NALCN: variants seen among roughly 807,000 people sequenced by gnomAD.
NALCN encodes the protein sodium leak channel, non-selective.
In NALCN, 111 loss-of-function variants were observed where a neutral mutation model predicts 225.3. That is an observed-to-expected ratio of 0.49 (90% confidence interval 0.42 to 0.58). The LOEUF (loss-of-function observed/expected upper bound fraction) is 0.58, where lower values mean the gene tolerates loss of function less well. Ranked by LOEUF, NALCN falls within the 20% of genes least tolerant of loss-of-function variation. The pLI is 0.00. For synonymous variants in NALCN, 764 were observed against 769.0 expected, an observed-to-expected ratio of 0.99 and a Z score of 0.11; for missense variants, 1,378 against 2,202.4, an observed-to-expected ratio of 0.63 and a Z score of 7.49.
chr13:101,089,854 C>T lies in NALCN; in HGVS notation c.3382G>A (p.Val1128Met). 6 of 1,614,098 alleles carry T rather than the reference C, an allele frequency of 3.7e-6. No homozygotes were observed. Among genetic ancestry groups the T allele is most frequent in the Non-Finnish European group, 5.1e-6 (6 of 1,179,936 alleles). ...VEVRDVIIHR[V>M]GPIHGIYIHV... ...TCGATGTGCTCGCTTACCGGCCCCA[C>T]ACGATGAATAATAACATCTCTCACT... Residue 1128 changes from valine to methionine, a missense_variant, in exon 29 of 44, where the codon GTG (valine) becomes ATG (methionine). This residue lies in a region of NALCN where 292 missense variants were observed against 409.5 expected (regional missense o/e 0.71). Transcript: ENST00000251127. The surrounding 1 kb of genome is among the most constrained non-coding windows in gnomAD (Gnocchi z 4.7).
At chr13:101,367,708 A>G (rs1204347368) in intron 6 of NALCN, among the ~76,000 whole-genome samples, 2 of 152,186 alleles carry the variant, frequency 1.3e-5, no homozygotes, top group Non-Finnish European at 2.9e-5. Context: ...TGAAGGTTAC[A>G]TGTACATTTT....
rs745442685 is a variant in NALCN at position 101,144,821 on chromosome 13, T to C, written c.1915A>G (p.Asn639Asp). 6.2e-7 allele frequency: 1 copy of C among 1,613,836 alleles called. No individual in the cohort carries two copies. ...GAGATTTTCACCATTTGAGGTCTGTTTGGAAATTTTTCAAAGATTCGCAGG... is the reference window on the plus strand; with the variant it reads ...GAGATTTTCACCATTTGAGGTCTGTCTGGAAATTTTTCAAAGATTCGCAGG... ...LRLRIFEKFP[N>D]RPQMVKISKL... The change falls in exon 16 of 44, where the codon AAC becomes GAC. Residue 639 changes from asparagine (N) to aspartate (D), a missense_variant. By Grantham distance (23) the Asn-to-Asp change is conservative. This residue lies in a region of NALCN where 62 missense variants were observed against 143.6 expected (regional missense o/e 0.43). Transcript: ENST00000251127.
At position 101,104,138 on chromosome 13, in the gene NALCN, C is replaced by A. The variant is rs2139613678; in HGVS notation, c.2889+157G>T. Among the ~76,000 whole-genome samples the A allele has an allele frequency of 6.6e-6, 1 of 152,164 alleles. No homozygotes were observed. Among genetic ancestry groups the A allele is most frequent in the South Asian group, 2.1e-4 (1 of 4,822 alleles). ...TAATTTAGATTTTACATGCATGGCC[C>A]TTATTTGCATATAATGAACTACTCT... On this transcript the variant is annotated intron_variant, in intron 25 of 43. Coordinates refer to ENST00000251127, the MANE Select transcript of NALCN (RefSeq NM_052867.4). The surrounding 1 kb of genome is among the most constrained non-coding windows in gnomAD (Gnocchi z 4.2).
At chr13:101,109,990 T>C (rs150294861) in intron 20 of NALCN, among the ~76,000 whole-genome samples, 5 of 152,354 alleles carry the variant, frequency 3.3e-5, no homozygotes, top group Non-Finnish European at 5.9e-5. Flanking sequence ...TATGAACTTA[T>C]TATCTGTCTC....
At chr13:101,297,678 T>A (rs1162417583) in intron 7 of NALCN, among the ~76,000 whole-genome samples, 4 of 152,212 alleles carry the variant, frequency 2.6e-5, no homozygotes, top group Non-Finnish European at 5.9e-5. Context: ...GCGTGAATCA[T>A]CCTTTGTGTT....
At position 101,298,275 on chromosome 13, in the gene NALCN, T is replaced by A. The variant is rs547743833; in HGVS notation, c.800-5909A>T. On this transcript the variant is annotated intron_variant, in intron 7 of 43. Coordinates refer to ENST00000251127, the MANE Select transcript of NALCN (RefSeq NM_052867.4). Reference sequence around the variant, plus strand: ...TGGGTTGTGCTATATTGGTTTTTATTTGTTTCTGTCTTTTTATGTTTACAT... The same window carrying A: ...TGGGTTGTGCTATATTGGTTTTTATATGTTTCTGTCTTTTTATGTTTACAT... Among the ~76,000 whole-genome samples, 6 of 152,334 alleles carry A rather than the reference T, an allele frequency of 3.9e-5. No homozygotes were observed. The South Asian group carries it at 1.0e-3, about 26-fold the overall frequency.
At chr13:101,065,357 C>A in intron 40 of NALCN, 47 bp downstream of exon 40, 1 of 1,601,690 alleles carries the variant, frequency 6.2e-7, no homozygotes, top group Non-Finnish European at 8.5e-7. Flanking sequence ...AGGCTGACAG[C>A]TGTGGTTTCT....
chr13:101,186,822 T>C (rs1448150825), intron 14 of NALCN, among the ~76,000 whole-genome samples: 1 of 152,146 alleles, frequency 6.6e-6, no homozygotes, highest in Non-Finnish European at 1.5e-5. Context: ...ATCTAACTAG[T>C]AAGTAGAGAT....
At chr13:101,340,277 A>T (rs557737935) in intron 7 of NALCN, among the ~76,000 whole-genome samples, 20 of 146,284 alleles carry the variant, frequency 1.4e-4, no homozygotes, top group African/African-American at 4.3e-4. Context: ...CAAACAAACA[A>T]ACAAACAAAA....
Position 101,054,237 on chromosome 13 carries a change from A to C in NALCN, c.*1058T>G, listed in dbSNP as rs1370437616. ...TAAGGAAAAAAAACAAAAACAAAAAACGATTAAGTAAGTTGTGTGATCCCT... is the reference window on the plus strand; with the variant it reads ...TAAGGAAAAAAAACAAAAACAAAAACCGATTAAGTAAGTTGTGTGATCCCT... On this transcript the variant is annotated 3_prime_UTR_variant, in exon 44 of 44. Transcript: ENST00000251127. 1.3e-5 allele frequency: 2 copies of C among 152,198 alleles called. No homozygotes were observed. The highest frequency in any genetic ancestry group is 2.9e-5 in the Non-Finnish European group (2 of 68,026). The allele number at this position is 152,198 out of a possible 1,614,324, so 9.4% of individuals were successfully genotyped here.
chr13:101,237,847 A>G lies in NALCN; in HGVS notation c.1342T>C (p.Ser448Pro). 6.2e-7 allele frequency: 1 copy of G among 1,606,094 alleles called. No homozygotes were observed. The highest frequency in any genetic ancestry group is 8.5e-7 in the Non-Finnish European group (1 of 1,176,502). Residue 448 changes from serine (S) to proline (P), a missense_variant, in exon 12 of 44, where the codon TCA becomes CCA. Ser to Pro is a moderately conservative substitution (Grantham distance 74). Coordinates refer to ENST00000251127, the MANE Select transcript of NALCN (RefSeq NM_052867.4). ...WCLGFTGYISSSLHKFELLLV... is the reference protein window; with the variant it reads ...WCLGFTGYISPSLHKFELLLV... ...AGTAGTTCGAATTTGTGGAGAGATG[A>G]GCTAATATATCCAGTAAATCCCAAA...
intron 15 of NALCN, among the ~76,000 whole-genome samples, chr13:101,148,187 A>C (rs2037454954): frequency 6.6e-6 from 1 of 152,150 alleles, no homozygotes; most frequent in Non-Finnish European, 1.5e-5. Flanking sequence ...TTACTCTCTC[A>C]GCATTCTGGA....
At chr13:101,397,076 A>AT (rs2047319675) in intron 2 of NALCN, among the ~76,000 whole-genome samples, 2 of 53,266 alleles carry the variant, frequency 3.8e-5, no homozygotes, top group Admixed American at 4.1e-4. Flanking sequence ...TTATATATAT[A>AT]TATATATATA....
intron 22 of NALCN, among the ~76,000 whole-genome samples, chr13:101,105,833 C>T (rs1429143410): frequency 6.6e-6 from 1 of 151,968 alleles, no homozygotes; most frequent in Non-Finnish European, 1.5e-5. Flanking sequence ...TGAGCAAAGC[C>T]CTCAACTTCT....
chr13:101,340,851 A>C (rs5018449), intron 7 of NALCN, among the ~76,000 whole-genome samples: 15,859 of 152,168 alleles, frequency 0.1, 1,229 homozygotes, highest in East Asian at 0.36. Context: ...TTTAGAAAGA[A>C]TTGATTCCAA....
At chr13:101,208,509 T>C (rs1447382798) in intron 13 of NALCN, among the ~76,000 whole-genome samples, 6 of 152,248 alleles carry the variant, frequency 3.9e-5, no homozygotes, top group Non-Finnish European at 7.3e-5. Context: ...GTTTAATATG[T>C]CTTTTAATCA....
chr13:101,083,166 T>C lies in NALCN; in HGVS notation c.3616A>G (p.Ile1206Val), dbSNP rs762977746. The C allele has an allele frequency of 3.7e-6, 6 of 1,614,184 alleles. No individual in the cohort carries two copies. The highest frequency in any genetic ancestry group is 2.2e-5 in the East Asian group (1 of 44,876). The change falls in exon 32 of 44, where the codon ATA becomes GTA. Residue 1206 changes from isoleucine to valine, a missense_variant. Ile to Val is a conservative substitution (Grantham distance 29, BLOSUM62 3). Around this residue, in one of 19 missense-constraint regions of NALCN, gnomAD observed 98 missense variants for 156.6 expected, o/e 0.63. Coordinates refer to ENST00000251127, the MANE Select transcript of NALCN (RefSeq NM_052867.4). ...CTCTTAAAAAATGGATGCTGGGTTA[T>C]GTCATACATTTTAGCTCTAAAACCA... is the stretch of plus-strand genomic sequence containing the variant. ...NDGFRAKMYD[I>V]TQHPFFKRTI...
At chr13:101,386,936 G>A (rs116563409) in intron 3 of NALCN, among the ~76,000 whole-genome samples, 2,620 of 152,224 alleles carry the variant, frequency 0.017, 77 homozygotes, top group African/African-American at 0.059. Context: ...AAAAATAACA[G>A]GTTGGCCAGG....
At chr13:101,336,223 A>G (rs967027468) in intron 7 of NALCN, among the ~76,000 whole-genome samples, 21 of 152,166 alleles carry the variant, frequency 1.4e-4, no homozygotes, top group African/African-American at 4.8e-4. Context: ...TGAAAATAAT[A>G]ACTGATATTT....
Sources: gnomAD v4.1 joint callset for allele counts (sites outside exome capture counted in the v4.1 genomes callset) on GRCh38, gnomAD v4.1.1 for gene constraint, gnomAD v4.1.1 regional missense constraint, Gnocchi (gnomAD v3.1) non-coding constraint, MANE v1.5 for transcripts, NCBI Gene and HGNC (gene_info 2026-07-23, HGNC 2026-07-21) for gene names.